The following FSHR variants were observed in gnomAD, a reference collection of about 807,000 sequenced individuals.
FSHR encodes the protein follicle-stimulating hormone receptor.
Under a neutral mutation model 52.1 loss-of-function variants are expected in FSHR, and 46 were observed. The observed-to-expected ratio is 0.88, with a 90% CI of 0.70 to 1.13. The LOEUF is 1.13. Ranked by LOEUF, FSHR falls within the 50% of genes most tolerant of loss-of-function variation. FSHR has a pLI of 0.00. For synonymous variants in FSHR, 399 were observed against 309.6 expected, an observed-to-expected ratio of 1.29 and a Z score of -3.03; for missense variants, 964 against 834.6, an observed-to-expected ratio of 1.16 and a Z score of -1.91.
intron 1 of FSHR, among the ~76,000 whole-genome samples, chr2:49,113,034 T>C (rs564949059): frequency 6.6e-6 from 1 of 152,206 alleles, no homozygotes; most frequent in East Asian, 1.9e-4. Flanking sequence ...GGCCACTTAA[T>C]AGACCATGTA....
chr2:49,007,686 C>A (rs17038054), intron 4 of FSHR, among the ~76,000 whole-genome samples: 2,860 of 152,166 alleles, frequency 0.019, 88 homozygotes, highest in African/African-American at 0.059. Flanking sequence ...GAAGCAGTTA[C>A]AGAGGCCTTC....
chr2:49,014,729 T>C, intron 4 of FSHR: 1 of 225,584 alleles, frequency 4.4e-6, no homozygotes, highest in South Asian at 5.3e-5. Flanking sequence ...GATATGCTAT[T>C]ATTATCATGG....
At chr2:49,025,795 C>T (rs1667894276) in intron 2 of FSHR, among the ~76,000 whole-genome samples, 1 of 152,188 alleles carries the variant, frequency 6.6e-6, no homozygotes. Flanking sequence ...TGTTATTATT[C>T]CGAACCCAAG....
At chr2:49,011,991 C>A (rs1477006169) in intron 4 of FSHR, among the ~76,000 whole-genome samples, 1 of 152,108 alleles carries the variant, frequency 6.6e-6, no homozygotes, top group African/African-American at 2.4e-5. Context: ...AGTGAAGAAT[C>A]TCCTGGAATT....
intron 1 of FSHR, among the ~76,000 whole-genome samples, chr2:49,107,988 G>T (rs981971143): frequency 4.6e-5 from 7 of 152,106 alleles, no homozygotes; most frequent in African/African-American, 1.4e-4. Context: ...TGCAAACATT[G>T]TTTCTGGGTG....
chr2:49,016,087 C>A (rs545218557), intron 4 of FSHR, among the ~76,000 whole-genome samples: 44 of 152,274 alleles, frequency 2.9e-4, no homozygotes, highest in African/African-American at 1.1e-3. Context: ...AGAGCTAAGG[C>A]ACATGATGGC....
chr2:49,051,808 T>G (rs1668869383), intron 2 of FSHR, among the ~76,000 whole-genome samples: 1 of 152,092 alleles, frequency 6.6e-6, no homozygotes, highest in Admixed American at 6.6e-5. Flanking sequence ...CTCCTAACAG[T>G]TTTAAAATTT....
At chr2:48,966,991 CTA>C (rs1674503365) in intron 9 of FSHR, among the ~76,000 whole-genome samples, 1 of 152,130 alleles carries the variant, frequency 6.6e-6, no homozygotes, top group African/African-American at 2.4e-5. Flanking sequence ...AGCCTTGAGG[CTA>C]TGTCTAGAGG....
chr2:49,052,575 C>T (rs974712933), intron 2 of FSHR, among the ~76,000 whole-genome samples: 1 of 152,180 alleles, frequency 6.6e-6, no homozygotes, highest in Non-Finnish European at 1.5e-5. Context: ...CCAGGGGATT[C>T]TAAAGTGCAG....
intron 1 of FSHR, among the ~76,000 whole-genome samples, chr2:49,136,883 AT>A (rs1215740704): frequency 6.6e-6 from 1 of 152,150 alleles, no homozygotes; most frequent in East Asian, 1.9e-4. Flanking sequence ...AAAGTCATCA[AT>A]GAAAAAACCA....
chr2:49,026,700 A>C (rs1667920972), intron 2 of FSHR, among the ~76,000 whole-genome samples: 1 of 152,222 alleles, frequency 6.6e-6, no homozygotes, highest in Non-Finnish European at 1.5e-5. Flanking sequence ...CAGTGTGGGA[A>C]GGATGCCCGG....
chr2:49,056,445 AATAT>A (rs70946848), intron 2 of FSHR, among the ~76,000 whole-genome samples: 1,293 of 128,022 alleles, frequency 0.01, 15 homozygotes, highest in African/African-American at 0.026. Flanking sequence ...TTACAATTGG[AATAT>A]ATATATATAT....
chr2:49,010,155 G>A (rs2104180307), intron 4 of FSHR, among the ~76,000 whole-genome samples: 1 of 91,032 alleles, frequency 1.1e-5, no homozygotes, highest in South Asian at 3.7e-4. Flanking sequence ...TATGATATTG[G>A]CTGTGGGTTT....
At chr2:49,035,027 G>T (rs1668229646) in intron 2 of FSHR, among the ~76,000 whole-genome samples, 1 of 152,200 alleles carries the variant, frequency 6.6e-6, no homozygotes, top group South Asian at 2.1e-4. Flanking sequence ...AGATGGGGCT[G>T]CTTCCTCTGC....
chr2:48,988,942 A>G (rs1237680592), intron 6 of FSHR, 35 bp downstream of exon 6: 1 of 1,557,732 alleles, frequency 6.4e-7, no homozygotes, highest in Admixed American at 1.7e-5. Flanking sequence ...GAAAAATCAA[A>G]TGTTACTCTG....
chr2:48,988,905 C>G (rs1316794873), intron 6 of FSHR, 72 bp downstream of exon 6: 1 of 1,284,862 alleles, frequency 7.8e-7, no homozygotes, highest in Non-Finnish European at 1.1e-6. Flanking sequence ...AAAGGAGCAT[C>G]CAATTATGAG....
intron 4 of FSHR, among the ~76,000 whole-genome samples, chr2:48,995,400 C>T (rs944278231): frequency 6.6e-6 from 1 of 151,972 alleles, no homozygotes; most frequent in African/African-American, 2.4e-5. Context: ...GGAAAAAAGT[C>T]AAGTATCTTA....
At chr2:48,993,877 A>G (rs754239654) in intron 4 of FSHR, among the ~76,000 whole-genome samples, 1 of 152,118 alleles carries the variant, frequency 6.6e-6, no homozygotes, top group Non-Finnish European at 1.5e-5. Flanking sequence ...TACACATGTC[A>G]TTTCTTCAAA....
intron 2 of FSHR, among the ~76,000 whole-genome samples, chr2:49,026,160 G>T (rs1445119348): frequency 6.6e-6 from 1 of 152,164 alleles, no homozygotes. Flanking sequence ...AGAGATAAAA[G>T]TACCTTCAGT....
Sources: gnomAD v4.1 joint callset for allele counts (sites outside exome capture counted in the v4.1 genomes callset) on GRCh38, gnomAD v4.1.1 for gene constraint, MANE v1.5 for transcripts, NCBI Gene and HGNC (gene_info 2026-07-23, HGNC 2026-07-21) for gene names.